Variants in SS18 observed in about 807,000 individuals in gnomAD.
SS18 encodes the protein SS18 subunit of BAF chromatin remodeling complex.
In SS18, 28 loss-of-function variants were observed where a neutral mutation model predicts 72.5. That is an observed-to-expected ratio of 0.39 (90% CI 0.29 to 0.53). The LOEUF is 0.53. Among genes scored for constraint, SS18 ranks in the 20% least tolerant of loss-of-function variants. The pLI, the probability that SS18 is intolerant of heterozygous loss-of-function variation, is 0.76. For missense variants in SS18, 518 were observed against 535.3 expected, an observed-to-expected ratio of 0.97 and a Z score of 0.32; for synonymous variants, 172 against 164.2, an observed-to-expected ratio of 1.05 and a Z score of -0.37.
chr18:26,076,702 CAAA>C (rs971578718), intron 3 of SS18, among the ~76,000 whole-genome samples: 9 of 151,800 alleles, frequency 5.9e-5, no homozygotes, highest in African/African-American at 2.2e-4. Context: ...ATCACAAAAA[CAAA>C]GAAGCTATGA....
chr18:26,063,880 C>T (rs540274528), intron 3 of SS18, among the ~76,000 whole-genome samples: 1 of 151,740 alleles, frequency 6.6e-6, no homozygotes, highest in East Asian at 1.9e-4. Context: ...AATTAATAAC[C>T]CTTAGCAGAA....
At chr18:26,083,529 G>A (rs1203190074) in intron 2 of SS18, among the ~76,000 whole-genome samples, 2 of 152,188 alleles carry the variant, frequency 1.3e-5, no homozygotes, top group Non-Finnish European at 2.9e-5. Context: ...AGGCTATACA[G>A]TATAGCTTAT....
Position 26,039,421 on chromosome 18 carries a change from A to C in SS18, c.643T>G (p.Tyr215Asp). Residue 215 changes from tyrosine to aspartate, a missense_variant, in exon 6 of 11, where the codon TAC becomes GAC. Tyr to Asp is a radical substitution (Grantham distance 160). Coordinates refer to ENST00000415083, the MANE Select transcript of SS18 (RefSeq NM_001007559.3). ...MMHQQPPSQQ[Y>D]NMPQGGGQHY... ...TGTCCGCCTCCCTGTGGCATATTGTATTGCTGAGAAGGAGGCTGCTGATGC... is the reference window on the plus strand; with the variant it reads ...TGTCCGCCTCCCTGTGGCATATTGTCTTGCTGAGAAGGAGGCTGCTGATGC... 1 of 1,613,786 alleles carries C rather than the reference A, an allele frequency of 6.2e-7. No homozygotes were observed. Among genetic ancestry groups the C allele is most frequent in the South Asian group, 1.1e-5 (1 of 91,054 alleles).
chr18:26,059,950 T>C (rs1302214391), intron 3 of SS18, among the ~76,000 whole-genome samples: 1 of 152,210 alleles, frequency 6.6e-6, no homozygotes, highest in Non-Finnish European at 1.5e-5. Flanking sequence ...TATATGCTGG[T>C]GGAAATGTAA....
At chr18:26,039,089 C>T (rs2053675181) in intron 6 of SS18, among the ~76,000 whole-genome samples, 200 bp downstream of exon 6, 1 of 140,118 alleles carries the variant, frequency 7.1e-6, no homozygotes, top group Non-Finnish European at 1.5e-5. Flanking sequence ...TATGGTATAA[C>T]TTATTCCAGA....
intron 3 of SS18, among the ~76,000 whole-genome samples, chr18:26,063,954 T>G (rs1353943216): frequency 6.6e-6 from 1 of 152,100 alleles, no homozygotes; most frequent in African/African-American, 2.4e-5. Flanking sequence ...TCAGTACATA[T>G]GCTATGGACA....
At chr18:26,039,197 A>G (rs903133633) in intron 6 of SS18, 92 bp downstream of exon 6, 22 of 967,904 alleles carry the variant, frequency 2.3e-5, no homozygotes, top group Middle Eastern at 7.2e-4. Flanking sequence ...AAAAAAAAAG[A>G]AAACGCCCTG....
chr18:26,070,931 C>T (rs1231967427), intron 3 of SS18, among the ~76,000 whole-genome samples: 1 of 151,692 alleles, frequency 6.6e-6, no homozygotes, highest in African/African-American at 2.4e-5. Context: ...TTTTAAAATG[C>T]CAGAGCAGAT....
At chr18:26,024,074 A>AG (rs2053402721) in intron 10 of SS18, among the ~76,000 whole-genome samples, 1 of 152,226 alleles carries the variant, frequency 6.6e-6, no homozygotes, top group Non-Finnish European at 1.5e-5. Context: ...AGTAAAAAAA[A>AG]CAAAACACCA....
intron 2 of SS18, among the ~76,000 whole-genome samples, chr18:26,084,911 T>C (rs539707987): frequency 6.6e-6 from 1 of 152,338 alleles, no homozygotes; most frequent in South Asian, 2.1e-4. Flanking sequence ...AAATATTAGA[T>C]AATAGTATTG....
intron 4 of SS18, among the ~76,000 whole-genome samples, chr18:26,056,363 G>T (rs895007492): frequency 6.6e-6 from 1 of 152,332 alleles, no homozygotes; most frequent in Admixed American, 6.5e-5. Context: ...GTGTCCTGGT[G>T]AACTAAATGT....
chr18:26,090,381 G>T, intron 1 of SS18, 120 bp downstream of exon 1: 2 of 996,316 alleles, frequency 2.0e-6, no homozygotes, highest in Non-Finnish European at 3.1e-6. Context: ...AAACACTGCT[G>T]ATTCCCAGCA....
intron 1 of SS18, among the ~76,000 whole-genome samples, chr18:26,088,692 G>C (rs893978609): frequency 1.3e-5 from 2 of 152,096 alleles, no homozygotes; most frequent in Admixed American, 1.3e-4. Flanking sequence ...AGTCACTTAA[G>C]TTTTCAGGGG....
In SS18 at chr18:26,035,197, T is replaced by C. The variant is rs2053607457; in HGVS notation, c.974-70A>G. 2 of 1,530,276 alleles carry C rather than the reference T, an allele frequency of 1.3e-6. No individual in the cohort carries two copies. The highest frequency in any genetic ancestry group is 1.2e-5 in the South Asian group (1 of 82,166). The allele number at this position is 1,530,276 out of a possible 1,614,324, so 94.8% of individuals were successfully genotyped here. Reference sequence around the variant, plus strand: ...TTAAGTAACTTTTTTCCCTCTAAGATGCATAGCCAACAACACAAGAACAAA... The same window carrying C: ...TTAAGTAACTTTTTTCCCTCTAAGACGCATAGCCAACAACACAAGAACAAA... On this transcript the variant is annotated intron_variant, in intron 8 of 10. Coordinates refer to ENST00000415083, the MANE Select transcript of SS18 (RefSeq NM_001007559.3). The surrounding 1 kb of genome is among the most constrained non-coding windows in gnomAD (Gnocchi z 4.4).
At chr18:26,078,003 A>G (rs1004668176) in intron 3 of SS18, 73 bp downstream of exon 3, 15 of 1,112,434 alleles carry the variant, frequency 1.3e-5, no homozygotes, top group Non-Finnish European at 2.0e-5. Context: ...CTTAAAAATC[A>G]TTCAACAAAA....
At chr18:26,040,214 C>A (rs977159518) in intron 5 of SS18, among the ~76,000 whole-genome samples, 1 of 152,198 alleles carries the variant, frequency 6.6e-6, no homozygotes, top group African/African-American at 2.4e-5. Flanking sequence ...GTGAGCAATA[C>A]TGGGGTAGCC....
At chr18:26,032,659 T>G in intron 9 of SS18, 127 bp from the exon 10 acceptor site, 1 of 1,026,630 alleles carries the variant, frequency 9.7e-7, no homozygotes, top group South Asian at 2.2e-5. Flanking sequence ...GTTTGGTACC[T>G]TGATTTCCTC....
chr18:26,075,469 GAAGA>G (rs1408635764), intron 3 of SS18, among the ~76,000 whole-genome samples: 1 of 151,842 alleles, frequency 6.6e-6, no homozygotes, highest in Non-Finnish European at 1.5e-5. Context: ...ACAGATTAAA[GAAGA>G]AAAAGTCTTA....
Position 26,052,819 on chromosome 18 carries a change from G to A in SS18, c.412C>T (p.Pro138Ser). 6.2e-7 allele frequency: 1 copy of A among 1,614,156 alleles called. No individual in the cohort carries two copies. Among genetic ancestry groups the A allele is most frequent in the Non-Finnish European group, 8.5e-7 (1 of 1,180,000 alleles). The part of the protein sequence containing the change: ...PGPNHMPMQG[P>S]GPNQLNMTNS... The stretch of plus-strand genomic sequence containing the variant: ...GTCATATTGAGTTGATTGGGTCCAG[G>A]TCCCTGCATAGGCATATGGTTAGGC... The change falls in exon 5 of 11, where the codon CCT becomes TCT. Residue 138 changes from proline to serine, a missense_variant. Pro to Ser is a moderately conservative substitution (Grantham distance 74). Coordinates refer to ENST00000415083, the MANE Select transcript of SS18 (RefSeq NM_001007559.3).
Sources: allele counts gnomAD v4.1 joint callset (sites outside exome capture counted in the v4.1 genomes callset), GRCh38; gene constraint gnomAD v4.1.1; non-coding constraint Gnocchi (gnomAD v3.1); transcripts MANE v1.5; gene names NCBI Gene and HGNC (gene_info 2026-07-23, HGNC 2026-07-21).